IMPACT: variants seen among roughly 807,000 people sequenced by gnomAD.
IMPACT encodes the protein protein IMPACT.
Under a neutral mutation model 47.5 loss-of-function variants are expected in IMPACT, and 35 were observed. The observed-to-expected ratio is 0.74, with a 90% CI of 0.56 to 0.98. The LOEUF (loss-of-function observed/expected upper bound fraction) is 0.98. Among genes scored for constraint, IMPACT ranks in the 50% least tolerant of loss-of-function variants. The pLI, the probability that IMPACT is intolerant of heterozygous loss-of-function variation, is 0.00. For missense variants in IMPACT, 373 were observed against 394.8 expected, an observed-to-expected ratio of 0.94 and a Z score of 0.47; for synonymous variants, 118 against 125.6, an observed-to-expected ratio of 0.94 and a Z score of 0.40.
At position 24,448,183 on chromosome 18, in the gene IMPACT, G is replaced by C. The variant is rs1909292786; in HGVS notation, c.759G>C (p.Glu253Asp). 1 of 1,607,188 alleles carries C rather than the reference G, an allele frequency of 6.2e-7. No individual in the cohort carries two copies. ...AAGGRLLHLM[E>D]ILNVKNVMVV... ...GTGGGCGTCTTCTTCATCTCATGGAGGTAGGTGTAAGTTAAACTATCAATC... is the reference window on the plus strand; with the variant it reads ...GTGGGCGTCTTCTTCATCTCATGGACGTAGGTGTAAGTTAAACTATCAATC... Residue 253 changes from glutamate to aspartate, a missense_variant and splice_region_variant, in exon 9 of 11, where the codon GAG (glutamate) becomes GAC (aspartate). Transcript: ENST00000284202.
At position 24,451,018 on chromosome 18, in the gene IMPACT, A is replaced by T; in HGVS notation, c.*171A>T. ...GTTATATCATCTGCCAAAAATAGAG[A>T]ACTTATGATCTATTCATGTGTGTTT... On this transcript the variant is annotated 3_prime_UTR_variant, in exon 11 of 11. Coordinates refer to ENST00000284202, the MANE Select transcript of IMPACT (RefSeq NM_018439.4). 1 of 504,342 alleles carries T rather than the reference A, an allele frequency of 2.0e-6. No homozygotes were observed. The highest frequency in any genetic ancestry group is 3.2e-5 in the East Asian group (1 of 31,144). 31.2% of individuals were successfully genotyped at this position (504,342 alleles called of 1,614,324 possible).
At chr18:24,427,117 C>T (rs907328067) in intron 1 of IMPACT, 8 of 310,714 alleles carry the variant, frequency 2.6e-5, no homozygotes, top group Non-Finnish European at 4.7e-5. Flanking sequence ...TCATCTTGGA[C>T]AAATCACTTA....
At chr18:24,426,866 G>T in intron 1 of IMPACT, 74 bp downstream of exon 1, 1 of 1,092,036 alleles carries the variant, frequency 9.2e-7, no homozygotes, top group Non-Finnish European at 1.2e-6. Flanking sequence ...CTCCTCAGCC[G>T]AGGGGCCCTC....
intron 4 of IMPACT, among the ~76,000 whole-genome samples, chr18:24,430,919 TTGAA>T (rs1378207983): frequency 4.6e-5 from 7 of 152,208 alleles, no homozygotes; most frequent in African/African-American, 1.4e-4. Flanking sequence ...TCTATGTACT[TTGAA>T]TGGTAATTTC....
chr18:24,440,427 GTGATTTTTTTTT>G (rs1909070549), intron 5 of IMPACT, 57 bp from the exon 6 acceptor site: 2 of 1,543,542 alleles, frequency 1.3e-6, no homozygotes, highest in Admixed American at 1.9e-5. Flanking sequence ...CCAAGACCCA[GTGATTTTTTTTT>G]AAAAAGCATC....
At chr18:24,436,176 A>T (rs1908934492) in intron 4 of IMPACT, among the ~76,000 whole-genome samples, 1 of 152,160 alleles carries the variant, frequency 6.6e-6, no homozygotes, top group Non-Finnish European at 1.5e-5. Context: ...CTGTTTTCTC[A>T]TCTGTAAAAA....
At chr18:24,430,252 A>G (rs1422116973) in intron 3 of IMPACT, 70 bp from the exon 4 acceptor site, 16 of 1,050,492 alleles carry the variant, frequency 1.5e-5, no homozygotes, top group Non-Finnish European at 2.1e-5. Context: ...TTTATTTGTG[A>G]TGTAATCTGT....
At chr18:24,431,701 T>A (rs560454900) in intron 4 of IMPACT, among the ~76,000 whole-genome samples, 70 of 151,342 alleles carry the variant, frequency 4.6e-4, no homozygotes, top group Middle Eastern at 3.4e-3. Flanking sequence ...TTAATTAAAA[T>A]TTTTTTTAAA....
chr18:24,436,117 C>G (rs1908933033), intron 4 of IMPACT, among the ~76,000 whole-genome samples: 3 of 152,160 alleles, frequency 2.0e-5, no homozygotes, highest in African/African-American at 7.2e-5. Context: ...AAGGCTGTTT[C>G]AGTCAGGCTT....
chr18:24,448,265 C>T, intron 9 of IMPACT, 82 bp downstream of exon 9: 1 of 802,542 alleles, frequency 1.2e-6, no homozygotes, highest in Non-Finnish European at 2.1e-6. Flanking sequence ...TTAGTAATAG[C>T]TAAGTCAGTT....
At chr18:24,429,709 T>C (rs1239322793) in intron 3 of IMPACT, 1 of 152,188 alleles carries the variant, frequency 6.6e-6, no homozygotes, top group Non-Finnish European at 1.5e-5. Context: ...ATAATGGTTC[T>C]GTAAATTTTT....
chr18:24,428,177 C>T (rs1949090208), intron 2 of IMPACT, 130 bp downstream of exon 2: 1 of 791,918 alleles, frequency 1.3e-6, no homozygotes, highest in African/African-American at 1.8e-5. Context: ...TGATTAAACA[C>T]ATGGGCAGTT....
At chr18:24,442,129 A>G (rs1909130244) in intron 6 of IMPACT, among the ~76,000 whole-genome samples, 1 of 150,532 alleles carries the variant, frequency 6.6e-6, no homozygotes, top group Admixed American at 6.6e-5. Flanking sequence ...TCTCAACAGA[A>G]TTGAGGGTTA....
chr18:24,445,322 G>T lies in IMPACT; in HGVS notation c.595-71G>T, dbSNP rs982717361. 3 of 904,770 alleles carry T rather than the reference G, an allele frequency of 3.3e-6. No homozygotes were observed. The African/African-American group carries it at 5.0e-5, about 15-fold the overall frequency. The allele number at this position is 904,770 out of a possible 1,614,324, so 56.0% of individuals were successfully genotyped here. On this transcript the variant is annotated intron_variant, in intron 7 of 10. Coordinates refer to ENST00000284202, the MANE Select transcript of IMPACT (RefSeq NM_018439.4). ...TTATTTTAATACAGCATGCTTCAAG[G>T]TATTTTTCTAGCATTTATTTACAGA...
intron 5 of IMPACT, among the ~76,000 whole-genome samples, chr18:24,438,819 G>A (rs1909015611): frequency 6.6e-6 from 1 of 152,018 alleles, no homozygotes; most frequent in Admixed American, 6.6e-5. Flanking sequence ...GGTTACGGTG[G>A]TGTTCGCCAA....
intron 7 of IMPACT, among the ~76,000 whole-genome samples, chr18:24,444,424 C>T (rs1909196974): frequency 6.6e-6 from 1 of 152,182 alleles, no homozygotes; most frequent in Non-Finnish European, 1.5e-5. Context: ...TCTTCCCTGC[C>T]ACCAATATTT....
chr18:24,428,185 GTT>G, intron 2 of IMPACT, 138 bp downstream of exon 2: 1 of 731,390 alleles, frequency 1.4e-6, no homozygotes, highest in Admixed American at 2.9e-5. Context: ...CACATGGGCA[GTT>G]ACATCTCAGA....
intron 5 of IMPACT, among the ~76,000 whole-genome samples, chr18:24,440,147 A>G (rs931379327): frequency 9.3e-5 from 9 of 97,100 alleles, no homozygotes; most frequent in Non-Finnish European, 2.6e-4. Context: ...GTATGGACTC[A>G]TGTATATTAT....
intron 4 of IMPACT, among the ~76,000 whole-genome samples, chr18:24,437,182 G>A (rs1338871375): frequency 6.6e-6 from 1 of 152,158 alleles, no homozygotes; most frequent in Non-Finnish European, 1.5e-5. Context: ...CTATATAGTA[G>A]TGTGGTGATA....
Sources: allele counts gnomAD v4.1 joint callset (sites outside exome capture counted in the v4.1 genomes callset), GRCh38; gene constraint gnomAD v4.1.1; transcripts MANE v1.5; gene names NCBI Gene and HGNC (gene_info 2026-07-23, HGNC 2026-07-21).